Variants in IGSF21 observed in about 807,000 individuals in gnomAD.
IGSF21 encodes the protein immunoglobin superfamily member 21.
In IGSF21, 28 loss-of-function variants were observed where a neutral mutation model predicts 46.8. That is an observed-to-expected ratio of 0.60 (90% confidence interval 0.44 to 0.82). The LOEUF (loss-of-function observed/expected upper bound fraction) is 0.82, where lower values mean the gene tolerates loss of function less well. Ranked by LOEUF, IGSF21 falls within the 40% of genes least tolerant of loss-of-function variation. The pLI is 0.00. For missense variants in IGSF21, 624 were observed against 665.5 expected, an observed-to-expected ratio of 0.94 and a Z score of 0.69; for synonymous variants, 284 against 273.6, an observed-to-expected ratio of 1.04 and a Z score of -0.38.
intron 2 of IGSF21, among the ~76,000 whole-genome samples, chr1:18,273,333 T>G (rs139151904): frequency 0.34 from 24,666 of 73,304 alleles, 3,001 homozygotes; most frequent in African/African-American, 0.38. Flanking sequence ...GAGCCACCAT[T>G]CCTTTCCTTT....
chr1:18,309,024 G>A (rs930120387), intron 3 of IGSF21, among the ~76,000 whole-genome samples: 9 of 151,886 alleles, frequency 5.9e-5, no homozygotes, highest in Non-Finnish European at 1.0e-4. Flanking sequence ...AGGGGATGCA[G>A]CTCTGCCTCA....
chr1:18,177,309 C>G (rs903592640), intron 1 of IGSF21, among the ~76,000 whole-genome samples: 1 of 152,014 alleles, frequency 6.6e-6, no homozygotes, highest in Non-Finnish European at 1.5e-5. Flanking sequence ...TCCTTTGCCC[C>G]GAAAAGTCCA....
At chr1:18,231,812 C>G (rs1180384162) in intron 2 of IGSF21, among the ~76,000 whole-genome samples, 1 of 152,020 alleles carries the variant, frequency 6.6e-6, no homozygotes, top group Non-Finnish European at 1.5e-5. Context: ...CTGTGCTCAC[C>G]TGACAAGAGA....
chr1:18,281,084 T>G (rs1369981422), intron 2 of IGSF21, among the ~76,000 whole-genome samples: 1 of 151,988 alleles, frequency 6.6e-6, no homozygotes, highest in Non-Finnish European at 1.5e-5. Flanking sequence ...TCCACAGGCC[T>G]GGCCTGCAGG....
intron 2 of IGSF21, among the ~76,000 whole-genome samples, chr1:18,253,046 G>C (rs2124529072): frequency 6.6e-6 from 1 of 152,180 alleles, no homozygotes; most frequent in Non-Finnish European, 1.5e-5. Context: ...CAGCACCCTG[G>C]GTGCTGTCCC....
chr1:18,194,899 G>A (rs991372358), intron 1 of IGSF21, among the ~76,000 whole-genome samples: 2 of 152,174 alleles, frequency 1.3e-5, no homozygotes, highest in South Asian at 2.1e-4. Context: ...TGGCCGAGGA[G>A]GCCTCACAAT....
intron 3 of IGSF21, 114 bp downstream of exon 3, chr1:18,292,101 G>A: frequency 8.7e-7 from 1 of 1,155,922 alleles, no homozygotes; most frequent in African/African-American, 1.5e-5. Flanking sequence ...TCTTGGGCTT[G>A]GAAGGCAGAA....
At chr1:18,341,101 C>T (rs1235551666) in intron 4 of IGSF21, among the ~76,000 whole-genome samples, 13 of 149,098 alleles carry the variant, frequency 8.7e-5, no homozygotes, top group Non-Finnish European at 1.6e-4. Context: ...CCTCCTTCTC[C>T]TCCTCCCCCT....
At chr1:18,196,914 C>A (rs1436820947) in intron 1 of IGSF21, among the ~76,000 whole-genome samples, 2 of 152,064 alleles carry the variant, frequency 1.3e-5, no homozygotes, top group African/African-American at 4.8e-5. Flanking sequence ...CCGCCCCGTG[C>A]CCCTGTCCAG....
chr1:18,284,916 G>T (rs2085198071), intron 2 of IGSF21, among the ~76,000 whole-genome samples: 2 of 149,660 alleles, frequency 1.3e-5, no homozygotes, highest in African/African-American at 4.9e-5. Flanking sequence ...CGGCTGCCTG[G>T]ACACAGAGAC....
At chr1:18,113,701 T>G (rs1288906872) in intron 1 of IGSF21, 1 of 144,492 alleles carries the variant, frequency 6.9e-6, no homozygotes, top group East Asian at 2.2e-4. Flanking sequence ...ATCTGAATAT[T>G]GAGCGGAGTG....
chr1:18,326,399 C>T (rs1412077019), intron 3 of IGSF21, among the ~76,000 whole-genome samples: 1 of 152,188 alleles, frequency 6.6e-6, no homozygotes, highest in Admixed American at 6.5e-5. Flanking sequence ...GCACTTGGCT[C>T]ATAAGATTGC....
chr1:18,324,513 G>C (rs988429199), intron 3 of IGSF21, among the ~76,000 whole-genome samples: 1 of 152,172 alleles, frequency 6.6e-6, no homozygotes, highest in East Asian at 1.9e-4. Context: ...AGGTGGCCCG[G>C]CCGCTTCTTC....
chr1:18,227,853 T>G, intron 1 of IGSF21, 45 bp from the exon 2 acceptor site: 28 of 1,452,422 alleles, frequency 1.9e-5, no homozygotes, highest in Non-Finnish European at 2.3e-5. Flanking sequence ...CCAGCCCCTC[T>G]GATCTGCTCG....
chr1:18,220,181 C>T (rs1324720579), intron 1 of IGSF21, among the ~76,000 whole-genome samples: 2 of 152,178 alleles, frequency 1.3e-5, no homozygotes, highest in Admixed American at 6.5e-5. Context: ...TACCACCGTG[C>T]TGTCTGCTGA....
At chr1:18,340,530 C>T (rs1010917163) in intron 4 of IGSF21, among the ~76,000 whole-genome samples, 2 of 152,228 alleles carry the variant, frequency 1.3e-5, no homozygotes, top group African/African-American at 2.4e-5. Flanking sequence ...AAGGTCCTTG[C>T]TCCCTGGACT....
At chr1:18,244,241 G>A (rs895307040) in intron 2 of IGSF21, among the ~76,000 whole-genome samples, 1 of 152,184 alleles carries the variant, frequency 6.6e-6, no homozygotes. Flanking sequence ...GCCCCCGGTC[G>A]GGAGATTTCT....
At chr1:18,266,762 C>T (rs1038222945) in intron 2 of IGSF21, among the ~76,000 whole-genome samples, 2 of 152,154 alleles carry the variant, frequency 1.3e-5, no homozygotes, top group Admixed American at 6.5e-5. Flanking sequence ...AGTGTGGACC[C>T]AAGAAGTCGT....
chr1:18,348,814 T>G (rs1347254612), intron 4 of IGSF21, among the ~76,000 whole-genome samples: 3 of 152,080 alleles, frequency 2.0e-5, no homozygotes, highest in Non-Finnish European at 4.4e-5. Context: ...CAAGTCGGCT[T>G]GGTATGAAGC....
Sources: gnomAD v4.1 joint callset for allele counts (sites outside exome capture counted in the v4.1 genomes callset) on GRCh38, gnomAD v4.1.1 for gene constraint, MANE v1.5 for transcripts, NCBI Gene and HGNC (gene_info 2026-07-23, HGNC 2026-07-21) for gene names.